Variants in XPR1 observed in about 807,000 individuals in gnomAD.
XPR1 encodes the protein xenotropic and polytropic retrovirus receptor 1, also known as solute carrier family 53 member 1.
A neutral mutation model predicts 87.5 loss-of-function variants in XPR1; 28 were observed. The ratio of observed to expected loss-of-function variants is 0.32; its 90% CI spans 0.24 to 0.44. The LOEUF (loss-of-function observed/expected upper bound fraction) is 0.44, where lower values mean the gene tolerates loss of function less well. Among genes scored for constraint, XPR1 ranks in the 20% least tolerant of loss-of-function variants. XPR1 has a pLI of 1.00. For missense variants in XPR1, 559 were observed against 862.3 expected (o/e 0.65, Z 4.41); for synonymous variants, 300 against 306.1 (o/e 0.98, Z 0.21).
At position 180,759,362 on chromosome 1, in the gene XPR1, C is replaced by T. The variant is rs183135604; in HGVS notation, c.122-28391C>T. ...TGAAAGATCAACAAAATCGATAGAC[C>T]GCTAGTAAGACTAATAAAGAAGAAA... is the stretch of plus-strand genomic sequence containing the variant. On this transcript the variant is annotated intron_variant, in intron 2 of 14. Transcript: ENST00000367590. Among the ~76,000 whole-genome samples the T allele has an allele frequency of 3.1e-3, 469 of 152,006 alleles. 6 individuals carry two copies. Among genetic ancestry groups the T allele is most frequent in the Non-Finnish European group, 3.4e-3 (234 of 67,966 alleles).
At chr1:180,881,083 GA>G (rs1305897110) in intron 14 of XPR1, among the ~76,000 whole-genome samples, 1 of 152,092 alleles carries the variant, frequency 6.6e-6, no homozygotes, top group Non-Finnish European at 1.5e-5. Context: ...ATTATAGTAA[GA>G]ATAATTTTGC....
chr1:180,796,793 T>A (rs562076938), intron 3 of XPR1, among the ~76,000 whole-genome samples: 1 of 152,318 alleles, frequency 6.6e-6, no homozygotes, highest in Non-Finnish European at 1.5e-5. Context: ...AAACAAAATA[T>A]ATATCCACAG....
chr1:180,814,812 A>T (rs1191877071), intron 7 of XPR1, among the ~76,000 whole-genome samples: 1 of 152,208 alleles, frequency 6.6e-6, no homozygotes, highest in Non-Finnish European at 1.5e-5. Context: ...CATGGAAGAA[A>T]TAACGTTTAT....
At chr1:180,859,158 T>C (rs1652136465) in intron 11 of XPR1, among the ~76,000 whole-genome samples, 1 of 152,266 alleles carries the variant, frequency 6.6e-6, no homozygotes, top group Non-Finnish European at 1.5e-5. Flanking sequence ...ATTTTTCTGA[T>C]TTCTCTCTTT....
intron 2 of XPR1, among the ~76,000 whole-genome samples, chr1:180,759,479 A>G (rs1647904581): frequency 6.6e-6 from 1 of 152,200 alleles, no homozygotes; most frequent in South Asian, 2.1e-4. Flanking sequence ...AGAGAATACT[A>G]CAAACACCTC....
chr1:180,882,315 C>T (rs897513162), intron 14 of XPR1, among the ~76,000 whole-genome samples: 5 of 152,120 alleles, frequency 3.3e-5, no homozygotes, highest in African/African-American at 7.2e-5. Flanking sequence ...CTTTATCACT[C>T]ATGCAACCTT....
chr1:180,774,528 C>G (rs1226167388), intron 2 of XPR1, among the ~76,000 whole-genome samples: 2 of 151,308 alleles, frequency 1.3e-5, no homozygotes, highest in African/African-American at 4.9e-5. Context: ...GTAGCTGGGA[C>G]TACAGGCACC....
At chr1:180,804,341 T>A (rs1055645455) in intron 4 of XPR1, among the ~76,000 whole-genome samples, 1 of 152,252 alleles carries the variant, frequency 6.6e-6, no homozygotes, top group Non-Finnish European at 1.5e-5. Flanking sequence ...AGATAGTTAA[T>A]TTTTCTGCAG....
At chr1:180,757,869 TAAAAAAAAA>T (rs35162664) in intron 2 of XPR1, among the ~76,000 whole-genome samples, 5 of 40,060 alleles carry the variant, frequency 1.2e-4, no homozygotes, top group Non-Finnish European at 2.1e-4. Context: ...GTTGAAAATG[TAAAAAAAAA>T]AAAAAAAAAA....
intron 9 of XPR1, among the ~76,000 whole-genome samples, chr1:180,825,822 G>A (rs1257414537): frequency 5.3e-5 from 8 of 152,302 alleles, no homozygotes; most frequent in East Asian, 3.9e-4. Flanking sequence ...AAGCCAAGGC[G>A]GGTGGATCAT....
At chr1:180,865,508 C>T (rs930631906) in intron 12 of XPR1, among the ~76,000 whole-genome samples, 1 of 151,608 alleles carries the variant, frequency 6.6e-6, no homozygotes, top group Non-Finnish European at 1.5e-5. Flanking sequence ...TCACACCATT[C>T]TCCTACCTCA....
chr1:180,880,241 T>C lies in XPR1; in HGVS notation c.1974T>C (p.Asn658=). ...ATGGGGTACGAAACCGCCAGAAGAA[T>C]CGGTCATGGAAGTACAACCAGAGCA... ...QDDGVRNRQK[N]RSWKYNQSIS... Residue 658 remains asparagine (N), a synonymous_variant, in exon 14 of 15, where the codon AAT becomes AAC. Coordinates refer to ENST00000367590, the MANE Select transcript of XPR1 (RefSeq NM_004736.4). The C allele has an allele frequency of 6.2e-7, 1 of 1,614,176 alleles. No homozygotes were observed. The highest frequency in any genetic ancestry group is 8.5e-7 in the Non-Finnish European group (1 of 1,180,030).
intron 2 of XPR1, among the ~76,000 whole-genome samples, chr1:180,775,944 T>G (rs1648697754): frequency 6.6e-6 from 1 of 152,180 alleles, no homozygotes; most frequent in Non-Finnish European, 1.5e-5. Flanking sequence ...AGTCAAGAAG[T>G]CCTCTTTCAA....
chr1:180,727,185 A>G (rs75288760), intron 2 of XPR1, among the ~76,000 whole-genome samples: 2,405 of 152,092 alleles, frequency 0.016, 75 homozygotes, highest in African/African-American at 0.056. Flanking sequence ...TTAATCTCTA[A>G]TATGATGAAG....
chr1:180,645,366 A>G (rs1329476870), intron 1 of XPR1, among the ~76,000 whole-genome samples: 1 of 152,204 alleles, frequency 6.6e-6, no homozygotes, highest in Non-Finnish European at 1.5e-5. Context: ...AATGTTTGAA[A>G]CATGTCAGAA....
chr1:180,743,660 A>AT (rs941490686), intron 2 of XPR1, among the ~76,000 whole-genome samples: 42 of 152,038 alleles, frequency 2.8e-4, no homozygotes, highest in Non-Finnish European at 4.7e-4. Context: ...TCCTTTAACA[A>AT]TTTTTTTAGA....
At chr1:180,792,236 T>G (rs1186534451) in intron 3 of XPR1, among the ~76,000 whole-genome samples, 2 of 152,200 alleles carry the variant, frequency 1.3e-5, no homozygotes, top group Admixed American at 6.5e-5. Flanking sequence ...ATCTCACACA[T>G]TAAATAGCTA....
At chr1:180,708,283 G>C (rs923535763) in intron 2 of XPR1, among the ~76,000 whole-genome samples, 7 of 152,124 alleles carry the variant, frequency 4.6e-5, no homozygotes, top group Non-Finnish European at 7.4e-5. Context: ...TTACAAGACT[G>C]CATCTAAAGA....
intron 2 of XPR1, among the ~76,000 whole-genome samples, chr1:180,787,119 A>G (rs1219500368): frequency 6.6e-6 from 1 of 152,014 alleles, no homozygotes; most frequent in Non-Finnish European, 1.5e-5. Flanking sequence ...CTCAGCTCCT[A>G]GTACCTTGAA....
Sources: gnomAD v4.1 joint callset for allele counts (sites outside exome capture counted in the v4.1 genomes callset) on GRCh38, gnomAD v4.1.1 for gene constraint, MANE v1.5 for transcripts, NCBI Gene and HGNC (gene_info 2026-07-23, HGNC 2026-07-21) for gene names.